Variants in CPM observed in about 807,000 individuals in gnomAD.
The protein encoded by CPM is carboxypeptidase M, also known as renal carboxypeptidase.
In CPM, 35 loss-of-function variants were observed where a neutral mutation model predicts 46.4. The ratio of observed to expected loss-of-function variants is 0.75; its 90% CI spans 0.58 to 1.00. CPM has a LOEUF of 1.00. CPM is among the 50% of genes least tolerant of loss of function. The pLI is 0.00. For synonymous variants in CPM, 195 were observed against 195.3 expected (o/e 1.00, Z 0.01); for missense variants, 422 against 530.4 (o/e 0.80, Z 2.01).
At chr12:68,870,997 A>T (rs1370269305) in intron 4 of CPM, among the ~76,000 whole-genome samples, 4 of 152,250 alleles carry the variant, frequency 2.6e-5, no homozygotes, top group Non-Finnish European at 1.5e-5. Context: ...AAAACTTAAA[A>T]TTGGAGGGAA....
intron 3 of CPM, among the ~76,000 whole-genome samples, chr12:68,875,532 G>A (rs148322203): frequency 9.3e-5 from 14 of 151,298 alleles, no homozygotes; most frequent in Admixed American, 4.6e-4. Flanking sequence ...CAAGCTGGGC[G>A]CGGTGGCTCA....
intron 5 of CPM, chr12:68,845,386 A>G (rs1410974424): frequency 1.9e-5 from 4 of 210,306 alleles, no homozygotes; most frequent in Middle Eastern, 3.0e-3. Context: ...AACAAATTAT[A>G]AAATGAGCTA....
At chr12:68,930,041 T>A (rs1162225972) in intron 2 of CPM, among the ~76,000 whole-genome samples, 1 of 152,122 alleles carries the variant, frequency 6.6e-6, no homozygotes, top group East Asian at 1.9e-4. Context: ...ACATGTAATA[T>A]AAATAAATAA....
intron 1 of CPM, among the ~76,000 whole-genome samples, chr12:68,941,408 C>T (rs1429540958): frequency 6.6e-6 from 1 of 152,100 alleles, no homozygotes. Context: ...GGGTCTGGCT[C>T]TGTTGCCCAG....
At chr12:68,842,456 A>G (rs1327256822) in intron 5 of CPM, 2 of 427,522 alleles carry the variant, frequency 4.7e-6, no homozygotes, top group Non-Finnish European at 9.2e-6. Flanking sequence ...TAGAACCTCT[A>G]AATTATTGAC....
At chr12:68,902,780 G>A (rs1481347149) in intron 2 of CPM, among the ~76,000 whole-genome samples, 1 of 152,118 alleles carries the variant, frequency 6.6e-6, no homozygotes, top group Non-Finnish European at 1.5e-5. Context: ...GTTTTCGTTT[G>A]TTTTACTCTA....
chr12:68,962,644 C>G (rs1163324990), intron 1 of CPM, among the ~76,000 whole-genome samples: 1 of 152,214 alleles, frequency 6.6e-6, no homozygotes. Flanking sequence ...ACCTGAAAAA[C>G]AAGCTCAGGC....
rs1411171977 is a variant in CPM, at chr12:68,856,622, G to C, written c.1147C>G (p.Gln383Glu). 2 of 1,614,214 alleles carry C rather than the reference G, an allele frequency of 1.2e-6. No individual in the cohort carries two copies. The highest frequency in any genetic ancestry group is 2.2e-5 in the South Asian group (2 of 91,090). The change falls in exon 9 of 9, where the codon CAG becomes GAG. Residue 383 changes from glutamine (Q) to glutamate (E), a missense_variant. Gln to Glu is a conservative substitution (Grantham distance 29). Transcript: ENST00000551568. ...ITKVIIPEKS[Q>E]NFSALKKDIL... ...TCCTTTTTAAGAGCACTGAAGTTCT[G>C]GGATTTCTCCGGAATAATCACCTTT...
intron 2 of CPM, among the ~76,000 whole-genome samples, chr12:68,931,849 G>A (rs1434908298): frequency 6.6e-6 from 1 of 151,838 alleles, no homozygotes; most frequent in African/African-American, 2.4e-5. Context: ...GCCAGTCCTG[G>A]CTATAAAATT....
chr12:68,940,423 C>T (rs1261523471), intron 1 of CPM, among the ~76,000 whole-genome samples: 7 of 150,798 alleles, frequency 4.6e-5, no homozygotes, highest in African/African-American at 1.7e-4. Context: ...TAGTGATCCC[C>T]TGTGCTCCAC....
intron 2 of CPM, among the ~76,000 whole-genome samples, chr12:68,909,862 A>G (rs1152935): frequency 0.43 from 64,502 of 149,242 alleles, 15,262 homozygotes; most frequent in African/African-American, 0.62. Context: ...GGGAGGGATA[A>G]CATTAGGAGA....
intron 2 of CPM, chr12:68,914,018 C>T: frequency 1.4e-6 from 1 of 714,590 alleles, no homozygotes; most frequent in South Asian, 1.4e-5. Flanking sequence ...AGGACTGCGG[C>T]CTCTTCAAAT....
rs1339946367 is a variant in CPM, at chr12:68,856,073, A to G, written c.*364T>C. 1.4e-5 allele frequency: 3 copies of G among 217,316 alleles called. No homozygotes were observed. The highest frequency in any genetic ancestry group is 6.9e-5 in the African/African-American group (3 of 43,680). The allele number at this position is 217,316 out of a possible 1,614,324, so 13.5% of individuals were successfully genotyped here. A position where few individuals can be genotyped will look rare whatever the true frequency, so the allele number is the denominator to read the frequency against. On this transcript the variant is annotated 3_prime_UTR_variant, in exon 9 of 9. Coordinates refer to ENST00000551568, the MANE Select transcript of CPM (RefSeq NM_198320.5). ...GTATGTAGAAGATCAATAAATGTTC[A>G]TCTTCATTGCTTATATTCATCCGGT...
intron 1 of CPM, among the ~76,000 whole-genome samples, chr12:68,954,680 T>C (rs1005043005): frequency 6.6e-6 from 1 of 152,188 alleles, no homozygotes; most frequent in African/African-American, 2.4e-5. Flanking sequence ...ATCTCAATGC[T>C]CACTTGACAT....
chr12:68,849,798 A>G (rs1884578247), downstream of CPM: 1 of 150,614 alleles, frequency 6.6e-6, no homozygotes, highest in African/African-American at 2.5e-5. Flanking sequence ...TTTTCAGTAG[A>G]GATGGGGTTT....
At chr12:68,930,757 A>G (rs2136321489) in intron 2 of CPM, among the ~76,000 whole-genome samples, 1 of 152,366 alleles carries the variant, frequency 6.6e-6, no homozygotes, top group Admixed American at 6.5e-5. Flanking sequence ...TTGTGGTTTG[A>G]TATCATGCAG....
intron 1 of CPM, among the ~76,000 whole-genome samples, chr12:68,948,070 T>C (rs1225595138): frequency 3.9e-5 from 6 of 152,110 alleles, no homozygotes; most frequent in African/African-American, 1.2e-4. Context: ...CTAACTCCTA[T>C]TGGGAATGAT....
intron 5 of CPM, 92 bp downstream of exon 5, chr12:68,870,123 G>C: frequency 3.1e-6 from 4 of 1,273,000 alleles, no homozygotes; most frequent in Non-Finnish European, 4.3e-6. Flanking sequence ...GAAGTTAAGA[G>C]GGGAAGGGAG....
chr12:68,861,215 A>G (rs1885196378), intron 7 of CPM, among the ~76,000 whole-genome samples: 1 of 152,162 alleles, frequency 6.6e-6, no homozygotes, highest in Non-Finnish European at 1.5e-5. Context: ...TTGGATTAAG[A>G]AAAACTATGT....
Sources: gnomAD v4.1 joint callset for allele counts (sites outside exome capture counted in the v4.1 genomes callset) on GRCh38, gnomAD v4.1.1 for gene constraint, MANE v1.5 for transcripts, NCBI Gene and HGNC (gene_info 2026-07-23, HGNC 2026-07-21) for gene names.